UBR3: variants seen among roughly 807,000 people sequenced by gnomAD.
The protein encoded by UBR3 is ubiquitin protein ligase E3 component n-recognin 3, also known as E3 ubiquitin-protein ligase UBR3.
UBR3 carries 85 observed loss-of-function variants against 243.2 expected under a neutral mutation model. The observed-to-expected ratio is 0.35, with a 90% CI of 0.29 to 0.42. The LOEUF (loss-of-function observed/expected upper bound fraction) is 0.42, where lower values mean the gene tolerates loss of function less well. UBR3 is among the 10% of genes least tolerant of loss of function. UBR3 has a pLI of 1.00. For missense variants in UBR3, 1,686 were observed against 2,300.8 expected, an observed-to-expected ratio of 0.73 and a Z score of 5.47; for synonymous variants, 748 against 799.8, an observed-to-expected ratio of 0.94 and a Z score of 1.09.
At chr2:170,057,234 G>T (rs1459717794) in intron 33 of UBR3, among the ~76,000 whole-genome samples, 1 of 151,384 alleles carries the variant, frequency 6.6e-6, no homozygotes, top group Non-Finnish European at 1.5e-5. Context: ...TCCCACCTCA[G>T]CCCTGACGAG....
At chr2:169,963,883 G>A (rs1354485744) in intron 24 of UBR3, among the ~76,000 whole-genome samples, 9 of 152,054 alleles carry the variant, frequency 5.9e-5, no homozygotes, top group African/African-American at 1.7e-4. Context: ...CCATCACCTT[G>A]TTAACATTGT....
chr2:169,976,480 G>T (rs1184029810), intron 24 of UBR3, among the ~76,000 whole-genome samples: 2 of 152,042 alleles, frequency 1.3e-5, no homozygotes, highest in Non-Finnish European at 2.9e-5. Flanking sequence ...CCTTGTCTAG[G>T]AGAGACTTTA....
At chr2:169,920,091 A>G (rs2085632267) in intron 11 of UBR3, among the ~76,000 whole-genome samples, 1 of 152,232 alleles carries the variant, frequency 6.6e-6, no homozygotes, top group African/African-American at 2.4e-5. Context: ...GTGGATTAAG[A>G]AAACGTGGCA....
intron 24 of UBR3, among the ~76,000 whole-genome samples, chr2:169,965,743 C>T (rs369282487): frequency 4.0e-4 from 61 of 152,192 alleles, no homozygotes; most frequent in African/African-American, 1.3e-3. Flanking sequence ...CAAAATGGTG[C>T]ATAGTTTAAA....
chr2:169,932,820 A>C (rs2086187496), intron 18 of UBR3, 92 bp from the exon 19 acceptor site: 9 of 1,090,516 alleles, frequency 8.3e-6, no homozygotes, highest in South Asian at 1.5e-5. Context: ...TCTGTGTTTT[A>C]AATGTAAAAT....
intron 29 of UBR3, chr2:170,014,053 G>T: frequency 2.6e-6 from 1 of 385,728 alleles, no homozygotes; most frequent in Non-Finnish European, 5.5e-6. Flanking sequence ...GCCCTTATCA[G>T]CAGCAACCAG....
At chr2:170,031,575 T>C (rs2090671626) in intron 31 of UBR3, among the ~76,000 whole-genome samples, 2 of 152,126 alleles carry the variant, frequency 1.3e-5, no homozygotes, top group Non-Finnish European at 2.9e-5. Flanking sequence ...TGCAGGTTTG[T>C]ACATGATTAT....
intron 24 of UBR3, among the ~76,000 whole-genome samples, chr2:169,968,300 T>C (rs1377520166): frequency 6.6e-6 from 1 of 152,206 alleles, no homozygotes; most frequent in Non-Finnish European, 1.5e-5. Flanking sequence ...ACACTATTCC[T>C]TCTATAACTG....
intron 8 of UBR3, among the ~76,000 whole-genome samples, chr2:169,902,939 T>C (rs2105332049): frequency 6.6e-6 from 1 of 152,316 alleles, no homozygotes; most frequent in East Asian, 1.9e-4. Flanking sequence ...AGTCTCGCTT[T>C]ATTTGTTCTT....
At chr2:169,869,216 G>GC (rs2083356212) in intron 1 of UBR3, among the ~76,000 whole-genome samples, 1 of 56,198 alleles carries the variant, frequency 1.8e-5, no homozygotes, top group Non-Finnish European at 3.2e-5. Context: ...GATTGATAAG[G>GC]TTTTTTTTTT....
chr2:169,989,407 G>T (rs1278030011), intron 25 of UBR3, among the ~76,000 whole-genome samples: 1 of 151,984 alleles, frequency 6.6e-6, no homozygotes, highest in Non-Finnish European at 1.5e-5. Flanking sequence ...CTTTTTTAAA[G>T]AAATTGGATC....
chr2:169,835,657 T>G (rs2082060708), intron 1 of UBR3, among the ~76,000 whole-genome samples: 1 of 152,094 alleles, frequency 6.6e-6, no homozygotes, highest in Non-Finnish European at 1.5e-5. Flanking sequence ...GTCAGGCTGG[T>G]CTGGAACTCC....
At chr2:170,015,594 G>GGTGTATACT (rs1553535590) in intron 30 of UBR3, among the ~76,000 whole-genome samples, 1 of 151,740 alleles carries the variant, frequency 6.6e-6, no homozygotes, top group African/African-American at 2.4e-5. Context: ...TAAGTGACGA[G>GGTGTATACT]GTTTCAAAAT....
rs1194691063 is a variant in UBR3 at position 170,083,841 on chromosome 2, A to T, written c.*1998A>T. The T allele has an allele frequency of 6.6e-6, 1 of 152,618 alleles. No individual in the cohort carries two copies. The highest frequency in any genetic ancestry group is 1.5e-5 in the Non-Finnish European group (1 of 67,998). The allele number at this position is 152,618 out of a possible 1,614,324, so 9.5% of individuals were successfully genotyped here. Reference sequence around the variant, plus strand: ...TTGAAAATTGTACTTGAATACATACATGCATGCTGCTAAACTAGAACTTTA... The same window carrying T: ...TTGAAAATTGTACTTGAATACATACTTGCATGCTGCTAAACTAGAACTTTA... On this transcript the variant is annotated 3_prime_UTR_variant, in exon 39 of 39. Coordinates refer to ENST00000272793, the MANE Select transcript of UBR3 (RefSeq NM_172070.4).
chr2:169,981,654 A>C (rs1164748757), intron 24 of UBR3, among the ~76,000 whole-genome samples: 1 of 152,170 alleles, frequency 6.6e-6, no homozygotes, highest in Non-Finnish European at 1.5e-5. Flanking sequence ...GCCTGAAAAA[A>C]GTTGGACTTT....
At chr2:169,876,030 G>T (rs548272017) in intron 3 of UBR3, 81 bp downstream of exon 3, 3 of 1,154,730 alleles carry the variant, frequency 2.6e-6, no homozygotes, top group Non-Finnish European at 3.4e-6. Context: ...GAACTTAAAG[G>T]TAAATTGTAG....
At chr2:169,974,238 A>T (rs2088315578) in intron 24 of UBR3, among the ~76,000 whole-genome samples, 1 of 152,154 alleles carries the variant, frequency 6.6e-6, no homozygotes, top group African/African-American at 2.4e-5. Context: ...GTTTGAGAAG[A>T]ATTGGTACTG....
At chr2:170,009,298 T>G (rs13389112) in intron 29 of UBR3, among the ~76,000 whole-genome samples, 26,910 of 152,070 alleles carry the variant, frequency 0.18, 2,648 homozygotes, top group East Asian at 0.37. Flanking sequence ...AACACTTTGA[T>G]TTATGGAAAA....
At chr2:169,956,961 A>G (rs925608020) in intron 23 of UBR3, among the ~76,000 whole-genome samples, 1 of 152,226 alleles carries the variant, frequency 6.6e-6, no homozygotes, top group African/African-American at 2.4e-5. Context: ...TACTCTGTCC[A>G]TTATGTTCTC....
Sources: gnomAD v4.1 joint callset for allele counts (sites outside exome capture counted in the v4.1 genomes callset) on GRCh38, gnomAD v4.1.1 for gene constraint, MANE v1.5 for transcripts, NCBI Gene and HGNC (gene_info 2026-07-23, HGNC 2026-07-21) for gene names.